The following SHANK2 variants were observed in gnomAD, a reference collection of about 807,000 sequenced individuals.
The protein encoded by SHANK2 is SH3 and multiple ankyrin repeat domains protein 2.
Under a neutral mutation model 133.7 loss-of-function variants are expected in SHANK2, and 43 were observed. That is an observed-to-expected ratio of 0.32 (90% CI 0.25 to 0.41). The LOEUF is 0.41. Ranked by LOEUF, SHANK2 falls within the 10% of genes least tolerant of loss-of-function variation. The probability of loss-of-function intolerance (pLI) is 1.00; values close to 1 mark genes in which losing one functional copy is unlikely to be tolerated. For synonymous variants in SHANK2, 1,017 were observed against 952.8 expected (o/e 1.07, Z -1.24); for missense variants, 1,994 against 2,235.8 (o/e 0.89, Z 2.18).
intron 7 of SHANK2, 45 bp from the exon 8 acceptor site, chr11:71,092,634 C>G (rs781811402): frequency 6.5e-7 from 1 of 1,537,048 alleles, no homozygotes; most frequent in African/African-American, 1.4e-5. Flanking sequence ...TCTCATGACC[C>G]CTTTTGCAGA....
chr11:70,678,585 T>C (rs953971528), intron 15 of SHANK2, among the ~76,000 whole-genome samples: 2 of 135,294 alleles, frequency 1.5e-5, no homozygotes, highest in African/African-American at 5.7e-5. Context: ...TCACCCAGGC[T>C]GGAGAGCAGT....
rs2060015589 is a variant in SHANK2 at position 70,569,483 on chromosome 11, C to T, written c.2062-66552G>A. ...GAGGGTGGATGGCGGGGTTGACCAACGATGAGGCCCCAGGAAGAGAGGCAT... is the reference window on the plus strand; with the variant it reads ...GAGGGTGGATGGCGGGGTTGACCAATGATGAGGCCCCAGGAAGAGAGGCAT... On this transcript the variant is annotated intron_variant, in intron 17 of 25. Coordinates refer to ENST00000601538, the MANE Select transcript of SHANK2 (RefSeq NM_012309.5). The surrounding 1 kb of genome is among the most constrained non-coding windows in gnomAD (Gnocchi z 5.1). 6.6e-6 allele frequency among the ~76,000 whole-genome samples: 1 copy of T among 152,124 alleles called. No individual in the cohort carries two copies. The highest frequency in any genetic ancestry group is 1.5e-5 in the Non-Finnish European group (1 of 68,014).
chr11:70,656,524 T>C (rs1439228820), intron 17 of SHANK2, among the ~76,000 whole-genome samples: 1 of 152,120 alleles, frequency 6.6e-6, no homozygotes, highest in Non-Finnish European at 1.5e-5. Flanking sequence ...CTCTGAAATC[T>C]CTTTGGCTCC....
chr11:70,620,140 C>T (rs1450286647), intron 17 of SHANK2, among the ~76,000 whole-genome samples: 1 of 152,030 alleles, frequency 6.6e-6, no homozygotes, highest in African/African-American at 2.4e-5. Flanking sequence ...AAAGGCCCTG[C>T]TCCTGACACC....
chr11:70,923,533 C>T lies in SHANK2; in HGVS notation c.1108-26966G>A, dbSNP rs149163903. On this transcript the variant is annotated intron_variant, in intron 10 of 25. Transcript: ENST00000601538. ...CTGGGATCACAGGCATGAGCCACTGCGCCCAGCTGCTTGCAACATTTTTTG... is the reference window on the plus strand; with the variant it reads ...CTGGGATCACAGGCATGAGCCACTGTGCCCAGCTGCTTGCAACATTTTTTG... 2.3e-3 allele frequency among the ~76,000 whole-genome samples: 356 copies of T among 152,306 alleles called. 2 individuals are homozygous for T. Among genetic ancestry groups the T allele is most frequent in the African/African-American group, 8.2e-3 (340 of 41,570 alleles).
At chr11:70,877,014 T>C (rs1347565980) in intron 11 of SHANK2, among the ~76,000 whole-genome samples, 1 of 152,212 alleles carries the variant, frequency 6.6e-6, no homozygotes, top group Non-Finnish European at 1.5e-5. Context: ...AACACACACA[T>C]GGCCCTGGTG....
At chr11:70,886,556 CA>C (rs1949749069) in intron 11 of SHANK2, among the ~76,000 whole-genome samples, 1 of 152,190 alleles carries the variant, frequency 6.6e-6, no homozygotes, top group African/African-American at 2.4e-5. Flanking sequence ...ATTTCACAGT[CA>C]AAATGCCAGG....
At chr11:70,863,748 C>A (rs1555068420) in intron 11 of SHANK2, 1 of 448,754 alleles carries the variant, frequency 2.2e-6, no homozygotes. Context: ...TACAGAGAGT[C>A]TTTAAAGTGG....
chr11:70,724,606 G>A (rs1239802923), intron 14 of SHANK2, among the ~76,000 whole-genome samples: 1 of 152,182 alleles, frequency 6.6e-6, no homozygotes. Context: ...ATCCAATTTA[G>A]AGGATGCAAG....
chr11:71,180,990 C>T (rs1953543262), intron 2 of SHANK2, among the ~76,000 whole-genome samples: 2 of 151,868 alleles, frequency 1.3e-5, no homozygotes, highest in Non-Finnish European at 2.9e-5. Context: ...CTTGAAATCA[C>T]ACACAAAAAA....
At chr11:70,721,397 G>A (rs534246255) in intron 14 of SHANK2, among the ~76,000 whole-genome samples, 1 of 152,334 alleles carries the variant, frequency 6.6e-6, no homozygotes, top group South Asian at 2.1e-4. Context: ...TAAATGCAGG[G>A]GTCAGAGATG....
At chr11:70,594,979 A>AGGGCCGG (rs2060377593) in intron 17 of SHANK2, among the ~76,000 whole-genome samples, 1 of 152,188 alleles carries the variant, frequency 6.6e-6, no homozygotes, top group Admixed American at 6.5e-5. Flanking sequence ...GAAGGGCTTC[A>AGGGCCGG]GGGCCGGGAG....
At chr11:71,072,249 AC>A (rs1951152605) in intron 9 of SHANK2, among the ~76,000 whole-genome samples, 1 of 147,778 alleles carries the variant, frequency 6.8e-6, no homozygotes, top group Non-Finnish European at 1.5e-5. Context: ...CCACCACTTA[AC>A]CCCCCATGGC....
chr11:71,092,682 C>T, intron 7 of SHANK2, 93 bp from the exon 8 acceptor site: 1 of 1,338,056 alleles, frequency 7.5e-7, no homozygotes, highest in Admixed American at 2.1e-5. Flanking sequence ...GACCACCCTC[C>T]CCCAGGTCAA....
intron 1 of SHANK2, among the ~76,000 whole-genome samples, chr11:71,242,709 T>C (rs1406435543): frequency 6.6e-6 from 1 of 152,238 alleles, no homozygotes; most frequent in East Asian, 1.9e-4. Flanking sequence ...TGGTTCACTG[T>C]TGTATCCCAG....
chr11:71,207,530 T>C (rs1954152053), intron 2 of SHANK2, among the ~76,000 whole-genome samples: 1 of 152,184 alleles, frequency 6.6e-6, no homozygotes. Context: ...CCTCCTACAT[T>C]AGGTTTGTTT....
intron 17 of SHANK2, among the ~76,000 whole-genome samples, chr11:70,540,601 G>A (rs2059608358): frequency 6.6e-6 from 1 of 152,234 alleles, no homozygotes; most frequent in African/African-American, 2.4e-5. Flanking sequence ...CACCCCGTCA[G>A]CCCCACCCAG....
chr11:70,543,562 G>T (rs2059650519), intron 17 of SHANK2, among the ~76,000 whole-genome samples: 1 of 152,208 alleles, frequency 6.6e-6, no homozygotes, highest in Non-Finnish European at 1.5e-5. Flanking sequence ...GTTCCTTGGG[G>T]GTGGCGTGCC....
At chr11:71,198,011 A>G (rs1490211410) in intron 2 of SHANK2, among the ~76,000 whole-genome samples, 2 of 152,198 alleles carry the variant, frequency 1.3e-5, no homozygotes, top group African/African-American at 4.8e-5. Flanking sequence ...AGGATGGTGA[A>G]AGCGCAGCAG....
Sources: gnomAD v4.1 joint callset for allele counts (sites outside exome capture counted in the v4.1 genomes callset) on GRCh38, gnomAD v4.1.1 for gene constraint, Gnocchi (gnomAD v3.1) non-coding constraint, MANE v1.5 for transcripts, NCBI Gene and HGNC (gene_info 2026-07-23, HGNC 2026-07-21) for gene names.